CUBN: variants seen among roughly 807,000 people sequenced by gnomAD.
The protein encoded by CUBN is 460 kDa receptor.
CUBN carries 282 observed loss-of-function variants against 405.3 expected under a neutral mutation model. The observed-to-expected ratio is 0.70, with a 90% confidence interval of 0.63 to 0.77. The LOEUF (loss-of-function observed/expected upper bound fraction) is 0.77, where lower values mean the gene tolerates loss of function less well. CUBN is among the 30% of genes least tolerant of loss of function. CUBN has a pLI of 0.00. For missense variants in CUBN, 4,514 were observed against 4,475.2 expected, an observed-to-expected ratio of 1.01 and a Z score of -0.25; for synonymous variants, 1,684 against 1,617.0, an observed-to-expected ratio of 1.04 and a Z score of -0.99.
intron 51 of CUBN, among the ~76,000 whole-genome samples, chr10:16,903,655 A>C (rs2248584): frequency 1.8e-4 from 26 of 146,474 alleles, no homozygotes; most frequent in African/African-American, 6.4e-4. Flanking sequence ...ATTATTATTA[A>C]TAATTATTTA....
chr10:16,945,287 G>T (rs1391028376), intron 36 of CUBN, among the ~76,000 whole-genome samples: 2 of 152,204 alleles, frequency 1.3e-5, no homozygotes, highest in Non-Finnish European at 1.5e-5. Context: ...TAAGGACAAT[G>T]ATGGTGTTTT....
chr10:17,088,876 A>T (rs993789528), intron 14 of CUBN, among the ~76,000 whole-genome samples: 1 of 152,218 alleles, frequency 6.6e-6, no homozygotes, highest in Non-Finnish European at 1.5e-5. Flanking sequence ...CCACTGTTCC[A>T]AGAATGGAGC....
intron 26 of CUBN, among the ~76,000 whole-genome samples, chr10:17,043,352 CTTTCCCTAATAAAA>C (rs1202078418): frequency 1.3e-5 from 2 of 152,132 alleles, no homozygotes; most frequent in African/African-American, 2.4e-5. Context: ...TGGACCACAG[CTTTCCCTAATAAAA>C]TTAAGGTACT....
rs573767786 is a variant in CUBN, at chr10:16,945,040, G to C, written c.5342+2195C>G. Reference sequence around the variant, plus strand: ...AGAAACTTGTTATTATTATCCCACAGAAATAAAATGAATTTAATTAAATAG... The same window carrying C: ...AGAAACTTGTTATTATTATCCCACACAAATAAAATGAATTTAATTAAATAG... On this transcript the variant is annotated intron_variant, in intron 36 of 66. Coordinates refer to ENST00000377833, the MANE Select transcript of CUBN (RefSeq NM_001081.4). Among the ~76,000 whole-genome samples the C allele has an allele frequency of 2.6e-5, 4 of 152,248 alleles. No individual in the cohort carries two copies. In the Middle Eastern group the frequency reaches 0.014, roughly 518 times the overall value.
intron 28 of CUBN, among the ~76,000 whole-genome samples, chr10:17,015,882 C>A (rs1834314627): frequency 6.6e-6 from 1 of 152,144 alleles, no homozygotes; most frequent in Non-Finnish European, 1.5e-5. Context: ...TTTGTCCTTT[C>A]TGAACCACCA....
intron 60 of CUBN, among the ~76,000 whole-genome samples, chr10:16,848,904 A>G (rs906158104): frequency 3.3e-5 from 5 of 151,702 alleles, no homozygotes; most frequent in Non-Finnish European, 5.9e-5. Context: ...GGTTCTCACT[A>G]TGTTGCCAGG....
intron 22 of CUBN, among the ~76,000 whole-genome samples, chr10:17,047,887 A>ATT (rs1835175837): frequency 6.6e-6 from 1 of 152,232 alleles, no homozygotes; most frequent in African/African-American, 2.4e-5. Context: ...ATCCTTGCAA[A>ATT]TTACCATAAA....
intron 48 of CUBN, among the ~76,000 whole-genome samples, chr10:16,911,101 G>A (rs1841717284): frequency 1.3e-5 from 2 of 152,170 alleles, no homozygotes; most frequent in Admixed American, 1.3e-4. Flanking sequence ...GAAAAGAAAT[G>A]GAACTGATAT....
chr10:17,062,398 T>C (rs1269857663), intron 22 of CUBN, among the ~76,000 whole-genome samples: 1 of 152,224 alleles, frequency 6.6e-6, no homozygotes, highest in Non-Finnish European at 1.5e-5. Flanking sequence ...AATATAAAAT[T>C]TTACTTTAAA....
intron 28 of CUBN, among the ~76,000 whole-genome samples, chr10:17,003,472 C>T (rs111275680): frequency 0.011 from 1,612 of 152,112 alleles, 14 homozygotes; most frequent in Middle Eastern, 0.034. Context: ...TTTTTCACCA[C>T]GTGGCAGCAA....
intron 59 of CUBN, among the ~76,000 whole-genome samples, chr10:16,865,808 G>A (rs113947029): frequency 0.015 from 2,237 of 152,166 alleles, 55 homozygotes; most frequent in African/African-American, 0.052. Context: ...CTTCCACGCT[G>A]CGGAAGTTTT....
chr10:16,909,640 G>A (rs927751132), intron 48 of CUBN, among the ~76,000 whole-genome samples: 2 of 152,216 alleles, frequency 1.3e-5, no homozygotes, highest in Non-Finnish European at 2.9e-5. Context: ...CTCTGAGTCT[G>A]CCTTTGGCAT....
intron 6 of CUBN, among the ~76,000 whole-genome samples, chr10:17,116,803 G>A (rs1185978646): frequency 2.0e-5 from 3 of 152,192 alleles, no homozygotes; most frequent in Admixed American, 2.0e-4. Flanking sequence ...TTCTAAGGAA[G>A]AGGAGAGCAA....
At position 17,012,878 on chromosome 10, in the gene CUBN, T is replaced by G. The variant is rs1454238948; in HGVS notation, c.4168+6955A>C. Among the ~76,000 whole-genome samples, 3 of 152,216 alleles carry G rather than the reference T, an allele frequency of 2.0e-5. No individual in the cohort carries two copies. The South Asian group carries it at 6.2e-4, about 31-fold the overall frequency. On this transcript the variant is annotated intron_variant, in intron 28 of 66. Transcript: ENST00000377833. The stretch of plus-strand genomic sequence containing the variant: ...AATCACCTGGGAGGAACCATCTATA[T>G]CCTGTCCTGAAGGGAGCTCCTCCTA...
chr10:17,107,698 C>T (rs1836669833), intron 10 of CUBN, among the ~76,000 whole-genome samples: 1 of 151,958 alleles, frequency 6.6e-6, no homozygotes, highest in African/African-American at 2.4e-5. Context: ...GGGGTTTCAC[C>T]ATGTTGGCCA....
chr10:16,937,415 C>T (rs1411413063), intron 39 of CUBN, among the ~76,000 whole-genome samples, 177 bp downstream of exon 39: 6 of 152,068 alleles, frequency 3.9e-5, no homozygotes, highest in South Asian at 2.1e-4. Flanking sequence ...TAGAAAGAAA[C>T]GTACAATTTC....
intron 28 of CUBN, among the ~76,000 whole-genome samples, chr10:17,004,004 CAGG>C (rs1833954808): frequency 6.6e-6 from 1 of 152,190 alleles, no homozygotes; most frequent in Non-Finnish European, 1.5e-5. Context: ...GAATCTAGCC[CAGG>C]AGGTCTACGA....
At chr10:16,959,403 C>T (rs1843157794) in intron 31 of CUBN, among the ~76,000 whole-genome samples, 1 of 152,044 alleles carries the variant, frequency 6.6e-6, no homozygotes, top group East Asian at 1.9e-4. Context: ...CTGAGGTGGG[C>T]AGATCACCTG....
At chr10:17,035,739 A>G (rs1365798835) in intron 27 of CUBN, among the ~76,000 whole-genome samples, 1 of 151,994 alleles carries the variant, frequency 6.6e-6, no homozygotes, top group Non-Finnish European at 1.5e-5. Flanking sequence ...CAGGAAACAG[A>G]AAACCAAGTA....
Sources: allele counts gnomAD v4.1 joint callset (sites outside exome capture counted in the v4.1 genomes callset), GRCh38; gene constraint gnomAD v4.1.1; transcripts MANE v1.5; gene names NCBI Gene and HGNC (gene_info 2026-07-23, HGNC 2026-07-21).